Variants in RTN3 observed in about 807,000 individuals in gnomAD.
RTN3 encodes the protein reticulon-3.
A neutral mutation model predicts 77.8 loss-of-function variants in RTN3; 49 were observed. The ratio of observed to expected loss-of-function variants is 0.63; its 90% CI spans 0.50 to 0.80. The LOEUF (loss-of-function observed/expected upper bound fraction) is 0.80. Among genes scored for constraint, RTN3 ranks in the 30% least tolerant of loss-of-function variants. RTN3 has a pLI of 0.00. For missense variants in RTN3, 1,236 were observed against 1,211.9 expected (o/e 1.02, Z -0.29); for synonymous variants, 464 against 446.9 (o/e 1.04, Z -0.48).
intron 3 of RTN3, among the ~76,000 whole-genome samples, chr11:63,727,101 G>C (rs1480327298): frequency 3.3e-5 from 5 of 152,024 alleles, no homozygotes; most frequent in African/African-American, 9.7e-5. Context: ...CAGGGGTGCA[G>C]ATCGCACCAC....
At chr11:63,728,900 AAAG>A (rs1285331806) in intron 3 of RTN3, among the ~76,000 whole-genome samples, 2 of 147,690 alleles carry the variant, frequency 1.4e-5, no homozygotes, top group Non-Finnish European at 3.0e-5. Context: ...AAAAAAAAAA[AAAG>A]AAAAAAGAAA....
At chr11:63,757,722 CTTT>C (rs71039672) in intron 8 of RTN3, among the ~76,000 whole-genome samples, 11 of 106,334 alleles carry the variant, frequency 1.0e-4, no homozygotes, top group East Asian at 3.0e-4. Flanking sequence ...TTCTTTTTTT[CTTT>C]TTTTTTTTTT....
intron 3 of RTN3, among the ~76,000 whole-genome samples, chr11:63,733,586 TTGGC>T (rs1006308049): frequency 2.6e-5 from 4 of 152,068 alleles, no homozygotes; most frequent in African/African-American, 9.7e-5. Context: ...TTGAAAATGT[TTGGC>T]TGAGTGCAGT....
At chr11:63,734,775 A>ACACG (rs1043105849) in intron 3 of RTN3, among the ~76,000 whole-genome samples, 1 of 144,322 alleles carries the variant, frequency 6.9e-6, no homozygotes, top group African/African-American at 2.6e-5. Flanking sequence ...ACACACACAC[A>ACACG]CACACACCAT....
At chr11:63,749,572 A>G (rs1355006092) in intron 3 of RTN3, among the ~76,000 whole-genome samples, 2 of 152,208 alleles carry the variant, frequency 1.3e-5, no homozygotes, top group Admixed American at 1.3e-4. Flanking sequence ...CTTTCTGCCA[A>G]ACTATTTAAG....
chr11:63,720,971 CCTTAGCAAGACTGAATTGGT>C lies in RTN3; in HGVS notation c.2470_2489del (p.Leu824LysfsTer99). The C allele has an allele frequency of 6.2e-7, 1 of 1,613,264 alleles. No homozygotes were observed. The highest frequency in any genetic ancestry group is 8.5e-7 in the Non-Finnish European group (1 of 1,179,530). On this transcript the variant is annotated frameshift_variant, in exon 3 of 9. Coordinates refer to ENST00000377819, the MANE Select transcript of RTN3 (RefSeq NM_001265589.2). LOFTEE classifies it high-confidence loss of function. ...CTACTAGGGTAGATGCTGTTTCCAG[CCTTAGCAAGACTGAATTGGT>C]AAAAAAGCATGTCCTAGCAAGACTT...
At position 63,734,776 on chromosome 11, in the gene RTN3, CACACA is replaced by C. The variant is rs1565333462; in HGVS notation, c.2530+13745_2530+13749del. Among the ~76,000 whole-genome samples the C allele has an allele frequency of 7.5e-3, 1,093 of 146,460 alleles. 11 individuals carry two copies. The highest frequency in any genetic ancestry group is 0.012 in the East Asian group (59 of 4,972). ...ACACACACACACACACACACACACA[CACACA>C]CCATACTGGAGGTCCTAGCCACTGA... On this transcript the variant is annotated intron_variant, in intron 3 of 8. Transcript: ENST00000377819.
At chr11:63,716,979 CAA>C (rs6144367) in intron 2 of RTN3, among the ~76,000 whole-genome samples, 1 of 120,276 alleles carries the variant, frequency 8.3e-6, no homozygotes, top group Non-Finnish European at 1.6e-5. Context: ...AAAAAAAAAA[CAA>C]AAAAAAAAAA....
In RTN3 at chr11:63,720,839, A is replaced by G; in HGVS notation, c.2337A>G (p.Thr779=). ...AAGAAGTACTGAAGCAAACTTTCAC[A>G]TTTGCTCCAGAATCTTGGCCACAGA... ...PSEEVLKQTF[T]FAPESWPQRS... The change falls in exon 3 of 9, where the codon ACA becomes ACG. Residue 779 remains threonine (T), a synonymous_variant. Coordinates refer to ENST00000377819, the MANE Select transcript of RTN3 (RefSeq NM_001265589.2). 4.3e-6 allele frequency: 7 copies of G among 1,613,896 alleles called. No individual in the cohort carries two copies. Among genetic ancestry groups the G allele is most frequent in the East Asian group, 2.2e-5 (1 of 44,886 alleles).
At chr11:63,738,982 T>C (rs2013309197) in intron 3 of RTN3, among the ~76,000 whole-genome samples, 1 of 152,158 alleles carries the variant, frequency 6.6e-6, no homozygotes, top group African/African-American at 2.4e-5. Context: ...CCGGCGTCCT[T>C]AAATAACAGG....
chr11:63,714,086 A>G (rs2134782811), intron 2 of RTN3: 3 of 507,000 alleles, frequency 5.9e-6, no homozygotes, highest in South Asian at 2.9e-5. Flanking sequence ...ATTCTATTTA[A>G]TGTTTTCATG....
chr11:63,731,616 A>G (rs936623464), intron 3 of RTN3, among the ~76,000 whole-genome samples: 19 of 152,166 alleles, frequency 1.2e-4, no homozygotes, highest in African/African-American at 4.3e-4. Context: ...CTTGTGGAAT[A>G]CAGTGCTGAG....
intron 3 of RTN3, among the ~76,000 whole-genome samples, chr11:63,734,503 G>A (rs1270801600): frequency 2.0e-5 from 3 of 151,990 alleles, no homozygotes; most frequent in East Asian, 1.9e-4. Flanking sequence ...TTGGGAGGCC[G>A]AGGTGAGCGG....
chr11:63,716,239 TTTTA>T (rs1565317638), intron 2 of RTN3, among the ~76,000 whole-genome samples: 1 of 152,240 alleles, frequency 6.6e-6, no homozygotes, highest in Non-Finnish European at 1.5e-5. Context: ...AATACTGGAA[TTTTA>T]TTTATTGTAA....
At chr11:63,749,955 G>A in intron 3 of RTN3, 36 bp from the exon 4 acceptor site, 1 of 1,496,998 alleles carries the variant, frequency 6.7e-7, no homozygotes, top group Non-Finnish European at 9.3e-7. Context: ...AGCTGTGGAT[G>A]TTTCTTATAA....
rs1055072983 is a variant in RTN3 at position 63,700,974 on chromosome 11, C to T, written c.143-3877C>T. Reference sequence around the variant, plus strand: ...GTGTGGTGGTGCGCGCCTGTAGTCCCAGCTACTCGGGAGGCTGAGGCAGGA... The same window carrying T: ...GTGTGGTGGTGCGCGCCTGTAGTCCTAGCTACTCGGGAGGCTGAGGCAGGA... On this transcript the variant is annotated intron_variant, in intron 1 of 8. Transcript: ENST00000377819. Among the ~76,000 whole-genome samples the T allele has an allele frequency of 5.9e-5, 9 of 151,498 alleles. No individual in the cohort carries two copies. In the East Asian group the frequency reaches 1.4e-3, roughly 23 times the overall value.
rs2013450397 is a variant in RTN3 at position 63,741,206 on chromosome 11, TTTATTTA to T, written c.2531-8782_2531-8776del. 3.2e-5 allele frequency among the ~76,000 whole-genome samples: 4 copies of T among 126,584 alleles called. 1 individual carries two copies. Among genetic ancestry groups the T allele is most frequent in the Admixed American group, 7.5e-5 (1 of 13,400 alleles). The allele number at this position is 126,584 out of a possible 152,430, so 83.0% of individuals were successfully genotyped here. A position where few individuals can be genotyped will look rare whatever the true frequency, so the allele number is the denominator to read the frequency against. ...TTATAGTTATTTATTTATTTATTTA[TTTATTTA>T]TTTTTTGAGATGGAGTTTCGCTCTT... On this transcript the variant is annotated intron_variant, in intron 3 of 8. Coordinates refer to ENST00000377819, the MANE Select transcript of RTN3 (RefSeq NM_001265589.2).
chr11:63,756,038 C>CAA (rs2014365615), intron 7 of RTN3, 74 bp from the exon 8 acceptor site: 2 of 1,017,012 alleles, frequency 2.0e-6, no homozygotes, highest in Non-Finnish European at 3.1e-6. Context: ...TTAAACTAGA[C>CAA]AAAAGAGCCG....
chr11:63,696,767 G>A (rs1941966003), intron 1 of RTN3, among the ~76,000 whole-genome samples: 1 of 150,434 alleles, frequency 6.6e-6, no homozygotes, highest in Non-Finnish European at 1.5e-5. Context: ...GGCTGGTCTC[G>A]AACTCCTGAC....
Sources: allele counts gnomAD v4.1 joint callset (sites outside exome capture counted in the v4.1 genomes callset), GRCh38; gene constraint gnomAD v4.1.1; transcripts MANE v1.5; gene names NCBI Gene and HGNC (gene_info 2026-07-23, HGNC 2026-07-21).